The following APP variants were observed in gnomAD, a reference collection of about 807,000 sequenced individuals.
APP encodes amyloid-beta precursor protein.
A neutral mutation model predicts 101.4 loss-of-function variants in APP; 31 were observed. The ratio of observed to expected loss-of-function variants is 0.31; its 90% CI spans 0.23 to 0.41. APP has a LOEUF of 0.41. Ranked by LOEUF, APP falls within the 10% of genes least tolerant of loss-of-function variation. The pLI is 1.00. For missense variants in APP, 839 were observed against 1,003.7 expected (o/e 0.84, Z 2.22); for synonymous variants, 366 against 364.4 (o/e 1.00, Z -0.05).
intron 5 of APP, among the ~76,000 whole-genome samples, chr21:26,036,168 A>G (rs2045100059): frequency 6.6e-6 from 1 of 151,782 alleles, no homozygotes; most frequent in Non-Finnish European, 1.5e-5. Context: ...AAATAGTATA[A>G]TAATTGTAAA....
At chr21:26,081,427 G>T (rs185060906) in intron 3 of APP, among the ~76,000 whole-genome samples, 2 of 151,034 alleles carry the variant, frequency 1.3e-5, no homozygotes, top group African/African-American at 4.9e-5. Flanking sequence ...AGGGTGCTCA[G>T]TGGGGGAGTT....
intron 3 of APP, among the ~76,000 whole-genome samples, chr21:26,058,016 G>A (rs1367471091): frequency 6.6e-6 from 1 of 152,204 alleles, no homozygotes; most frequent in African/African-American, 2.4e-5. Flanking sequence ...TAAACACACG[G>A]TAGGATTATG....
At chr21:26,164,175 G>A (rs1390290273) in intron 1 of APP, among the ~76,000 whole-genome samples, 1 of 152,204 alleles carries the variant, frequency 6.6e-6, no homozygotes, top group African/African-American at 2.4e-5. Context: ...AACCTGAGAG[G>A]CGGAGATTGC....
intron 6 of APP, among the ~76,000 whole-genome samples, chr21:26,007,365 TTATAA>T (rs529786650): frequency 1.2e-4 from 18 of 147,458 alleles, no homozygotes; most frequent in Non-Finnish European, 1.6e-4. Context: ...ATAAATATAA[TTATAA>T]TATATTAGAT....
chr21:26,052,240 G>A (rs946982574), intron 4 of APP, among the ~76,000 whole-genome samples: 1 of 152,090 alleles, frequency 6.6e-6, no homozygotes, highest in Non-Finnish European at 1.5e-5. Context: ...CTAATTCTTG[G>A]GGGTGGCGGG....
intron 11 of APP, among the ~76,000 whole-genome samples, chr21:25,968,331 T>A (rs1273128298): frequency 6.7e-6 from 1 of 149,632 alleles, no homozygotes; most frequent in Non-Finnish European, 1.5e-5. Flanking sequence ...TCTTTTTTTT[T>A]TTTTTTTTTT....
At chr21:26,147,241 C>A (rs755201515) in intron 1 of APP, among the ~76,000 whole-genome samples, 1 of 152,120 alleles carries the variant, frequency 6.6e-6, no homozygotes, top group East Asian at 1.9e-4. Flanking sequence ...GACAGAGAGC[C>A]TGCTTTTCTC....
At chr21:25,982,258 C>A in intron 9 of APP, 86 bp downstream of exon 9, 1 of 1,389,674 alleles carries the variant, frequency 7.2e-7, no homozygotes, top group Admixed American at 1.7e-5. Flanking sequence ...CTTGATAAAG[C>A]CAGCAGGCCT....
chr21:26,133,947 T>C (rs1234213968), intron 1 of APP, among the ~76,000 whole-genome samples: 1 of 152,240 alleles, frequency 6.6e-6, no homozygotes, highest in East Asian at 1.9e-4. Flanking sequence ...GTTGTGACTT[T>C]GATTTCTGAC....
At chr21:25,895,990 G>A (rs946899917) in intron 16 of APP, among the ~76,000 whole-genome samples, 3 of 152,132 alleles carry the variant, frequency 2.0e-5, no homozygotes, top group South Asian at 2.1e-4. Context: ...CATTATAGGC[G>A]TTAGTGTAAT....
chr21:26,084,093 A>G (rs969973534), intron 3 of APP, among the ~76,000 whole-genome samples: 2 of 151,952 alleles, frequency 1.3e-5, no homozygotes, highest in African/African-American at 4.8e-5. Context: ...AGTCTCCTCA[A>G]CTCATCCTCT....
At chr21:26,088,103 C>T (rs962342575) in intron 3 of APP, among the ~76,000 whole-genome samples, 4 of 152,018 alleles carry the variant, frequency 2.6e-5, no homozygotes, top group African/African-American at 9.7e-5. Flanking sequence ...TCTTACAGTG[C>T]TGGGATTATA....
chr21:25,888,697 G>T (rs1876063), intron 17 of APP, among the ~76,000 whole-genome samples: 30,464 of 152,128 alleles, frequency 0.2, 3,512 homozygotes, highest in South Asian at 0.36. Context: ...AAAAATTAAT[G>T]TCAGAATCTG....
chr21:26,110,291 A>T (rs1472814298), intron 2 of APP, among the ~76,000 whole-genome samples: 6 of 152,116 alleles, frequency 3.9e-5, no homozygotes, highest in Non-Finnish European at 8.8e-5. Flanking sequence ...AAAAATACAA[A>T]AAAATTTAGC....
At chr21:26,006,652 G>C (rs2043543758) in intron 6 of APP, among the ~76,000 whole-genome samples, 1 of 152,100 alleles carries the variant, frequency 6.6e-6, no homozygotes, top group Admixed American at 6.6e-5. Flanking sequence ...ATTTCAAATT[G>C]GAGTGAAATT....
At chr21:25,954,907 C>A (rs2041248539) in intron 12 of APP, among the ~76,000 whole-genome samples, 1 of 145,234 alleles carries the variant, frequency 6.9e-6, no homozygotes, top group Non-Finnish European at 1.5e-5. Flanking sequence ...CTTTATTTTT[C>A]TTGTTCTCCT....
intron 11 of APP, among the ~76,000 whole-genome samples, chr21:25,956,733 G>T (rs1334969821): frequency 6.6e-6 from 1 of 152,148 alleles, no homozygotes; most frequent in East Asian, 1.9e-4. Context: ...GTGGTGGTGG[G>T]GCGGGTGGTA....
chr21:25,885,573 G>C (rs2037268058), intron 17 of APP, among the ~76,000 whole-genome samples: 1 of 152,096 alleles, frequency 6.6e-6, no homozygotes, highest in South Asian at 2.1e-4. Flanking sequence ...GGATTACACA[G>C]CAGCAGGAAA....
chr21:26,021,807 G>T, intron 6 of APP, 33 bp downstream of exon 6: 1 of 1,608,900 alleles, frequency 6.2e-7, no homozygotes, highest in Non-Finnish European at 8.5e-7. Context: ...TTTTCCTTGG[G>T]GGTGGGGGGA....
Sources: allele counts gnomAD v4.1 joint callset (sites outside exome capture counted in the v4.1 genomes callset), GRCh38; gene constraint gnomAD v4.1.1; transcripts MANE v1.5; gene names NCBI Gene and HGNC (gene_info 2026-07-23, HGNC 2026-07-21).